Variants in OR2L13 observed in about 807,000 individuals in gnomAD.
OR2L13 encodes the protein olfactory receptor family 2 subfamily L member 13.
In OR2L13, 14 loss-of-function variants were observed where a neutral mutation model predicts 15.3. The ratio of observed to expected loss-of-function variants is 0.91; its 90% CI spans 0.60 to 1.43. The LOEUF (loss-of-function observed/expected upper bound fraction) is 1.43. Ranked by LOEUF, OR2L13 falls within the 40% of genes most tolerant of loss-of-function variation. The probability of loss-of-function intolerance (pLI) is 0.00; values close to 1 mark genes in which losing one functional copy is unlikely to be tolerated. For synonymous variants in OR2L13, 152 were observed against 142.9 expected, an observed-to-expected ratio of 1.06 and a Z score of -0.45; for missense variants, 367 against 387.9, an observed-to-expected ratio of 0.95 and a Z score of 0.45.
At chr1:248,022,342 C>A in the OR2L13 span, 1 of 1,614,104 alleles carries the variant, frequency 6.2e-7, no homozygotes, top group South Asian at 1.1e-5. Flanking sequence ...CTCCACTATC[C>A]CATCCGTATG....
At chr1:248,024,332 A>G in the OR2L13 span, 8 of 152,214 alleles carry the variant, frequency 5.3e-5, no homozygotes, top group Non-Finnish European at 1.0e-4. Context: ...AGCAATGTAA[A>G]ATAAAAAAGA....
the OR2L13 span, among the ~76,000 whole-genome samples, chr1:247,944,463 G>A: frequency 6.6e-6 from 1 of 151,836 alleles, no homozygotes; most frequent in Non-Finnish European, 1.5e-5. Context: ...CCCCCAAATT[G>A]TCCTCCCCCA....
Sources: allele counts gnomAD v4.1 joint callset (sites outside exome capture counted in the v4.1 genomes callset), GRCh38; gene constraint gnomAD v4.1.1; transcripts MANE v1.5; gene names NCBI Gene and HGNC (gene_info 2026-07-23, HGNC 2026-07-21).